Variants in ZNF385D observed in about 807,000 individuals in gnomAD.
ZNF385D encodes zinc finger protein 385D, also known as zinc finger protein 659.
In ZNF385D, 15 loss-of-function variants were observed where a neutral mutation model predicts 35.8. The observed-to-expected ratio is 0.42, with a 90% CI of 0.28 to 0.64. ZNF385D has a LOEUF of 0.64. ZNF385D is among the 30% of genes least tolerant of loss of function. The pLI is 0.23. For synonymous variants in ZNF385D, 212 were observed against 186.8 expected (o/e 1.13, Z -1.10); for missense variants, 474 against 494.6 (o/e 0.96, Z 0.39).
intron 1 of ZNF385D, among the ~76,000 whole-genome samples, chr3:21,668,662 G>C (rs1311575240): frequency 6.6e-6 from 1 of 152,184 alleles, no homozygotes; most frequent in Non-Finnish European, 1.5e-5. Context: ...TAACATTTCT[G>C]CTTTTGAAAT....
At position 21,988,939 on chromosome 3, in the gene ZNF385D, C is replaced by T. The variant is rs574679293; in HGVS notation, c.325+179878G>A. On this transcript the variant is annotated intron_variant, in intron 3 of 5. Transcript: ENST00000494108. Reference sequence around the variant, plus strand: ...TGGGAGTGACCCGATTTTCCAGGTGCGTCCATCACCCCTTTCTTTGACTTG... The same window carrying T: ...TGGGAGTGACCCGATTTTCCAGGTGTGTCCATCACCCCTTTCTTTGACTTG... Among the ~76,000 whole-genome samples the T allele has an allele frequency of 3.3e-5, 5 of 152,316 alleles. No individual in the cohort carries two copies. In the South Asian group the frequency reaches 6.2e-4, roughly 19 times the overall value.
intron 3 of ZNF385D, among the ~76,000 whole-genome samples, chr3:22,002,115 A>C (rs1197794826): frequency 4.0e-5 from 4 of 101,158 alleles, no homozygotes; most frequent in Admixed American, 1.6e-4. Context: ...AACAAAATAA[A>C]GACTTAAAAA....
intron 2 of ZNF385D, among the ~76,000 whole-genome samples, chr3:21,636,502 G>A (rs895268428): frequency 4.7e-5 from 7 of 149,086 alleles, no homozygotes; most frequent in East Asian, 4.0e-4. Context: ...AAGCCAGTCC[G>A]AATCCCAAAG....
chr3:21,891,399 G>A lies in ZNF385D; in HGVS notation c.326-226371C>T, dbSNP rs541268279. 5.9e-5 allele frequency among the ~76,000 whole-genome samples: 9 copies of A among 152,204 alleles called. No homozygotes were observed. In the East Asian group the frequency reaches 9.7e-4, roughly 16 times the overall value. On this transcript the variant is annotated intron_variant, in intron 3 of 5. Coordinates refer to the ZNF385D transcript ENST00000494108. ...TAATGCGTGACTAGTTCAAATGTCT[G>A]CCCAGCCATCCTGACCACACCATTC...
intron 2 of ZNF385D, among the ~76,000 whole-genome samples, chr3:22,332,425 T>C (rs1694980798): frequency 6.6e-6 from 1 of 152,180 alleles, no homozygotes; most frequent in Admixed American, 6.5e-5. Context: ...TGTATACAAA[T>C]AAAATATTTT....
intron 3 of ZNF385D, among the ~76,000 whole-genome samples, chr3:21,801,544 C>T (rs185627758): frequency 2.0e-5 from 3 of 152,198 alleles, no homozygotes; most frequent in Admixed American, 2.0e-4. Flanking sequence ...GTTTATGTAA[C>T]CAGAACTTAG....
At chr3:21,575,559 A>G (rs2063472842) in intron 2 of ZNF385D, among the ~76,000 whole-genome samples, 1 of 152,142 alleles carries the variant, frequency 6.6e-6, no homozygotes, top group East Asian at 1.9e-4. Context: ...CACTTCCTCT[A>G]ACTTGAAAAC....
rs568969997 is a variant in ZNF385D at position 22,305,177 on chromosome 3, T to C, written c.106+67273A>G. ...CGAATTACTCGCTTATTAGATTTTA[T>C]TGAGAACAAAAGCAGATGGTTTCTA... On this transcript the variant is annotated intron_variant, in intron 2 of 5. Coordinates refer to the ZNF385D transcript ENST00000494108. Among the ~76,000 whole-genome samples the C allele has an allele frequency of 3.6e-3, 554 of 152,262 alleles. 4 individuals are homozygous for C. Among genetic ancestry groups the C allele is most frequent in the African/African-American group, 0.011 (470 of 41,574 alleles).
intron 3 of ZNF385D, among the ~76,000 whole-genome samples, chr3:21,543,817 A>G (rs1273671839): frequency 1.3e-5 from 2 of 152,164 alleles, no homozygotes; most frequent in Admixed American, 6.6e-5. Flanking sequence ...ATTTTCTGCA[A>G]AGTTTTGGTT....
At chr3:22,312,664 C>CT (rs1447034895) in intron 2 of ZNF385D, among the ~76,000 whole-genome samples, 1 of 152,110 alleles carries the variant, frequency 6.6e-6, no homozygotes, top group African/African-American at 2.4e-5. Context: ...CTCATTATCA[C>CT]TGGCCATCAG....
chr3:22,273,631 A>G (rs1701285607), intron 2 of ZNF385D, among the ~76,000 whole-genome samples: 1 of 152,050 alleles, frequency 6.6e-6, no homozygotes, highest in Admixed American at 6.6e-5. Context: ...TAAAATCATG[A>G]TTCTCATACA....
At chr3:22,136,870 A>T (rs892139271) in intron 3 of ZNF385D, among the ~76,000 whole-genome samples, 1 of 152,202 alleles carries the variant, frequency 6.6e-6, no homozygotes, top group Non-Finnish European at 1.5e-5. Flanking sequence ...ACTATGTGAC[A>T]TTACGGAAAA....
At chr3:21,616,007 T>C (rs951327559) in intron 2 of ZNF385D, among the ~76,000 whole-genome samples, 7 of 152,118 alleles carry the variant, frequency 4.6e-5, no homozygotes, top group Non-Finnish European at 8.8e-5. Flanking sequence ...GAATTAATTC[T>C]TGGAAAACAG....
Position 22,214,375 on chromosome 3 carries a change from T to C in ZNF385D, c.107-45340A>G, listed in dbSNP as rs547759902. ...AACTGCACAAATTGTTTGTAGGGCATGTGTGTTTGAACAATATGAAATCTG... is the reference window on the plus strand; with the variant it reads ...AACTGCACAAATTGTTTGTAGGGCACGTGTGTTTGAACAATATGAAATCTG... On this transcript the variant is annotated intron_variant, in intron 2 of 5. Coordinates refer to the ZNF385D transcript ENST00000494108. Among the ~76,000 whole-genome samples, 5 of 152,128 alleles carry C rather than the reference T, an allele frequency of 3.3e-5. No individual in the cohort carries two copies. In the South Asian group the frequency reaches 8.3e-4, roughly 25 times the overall value.
At chr3:21,941,488 C>G (rs1291476415) in intron 3 of ZNF385D, among the ~76,000 whole-genome samples, 1 of 100,626 alleles carries the variant, frequency 9.9e-6, no homozygotes, top group Non-Finnish European at 1.9e-5. Context: ...AATTCCATTA[C>G]TCTTTTTTTT....
chr3:21,470,933 ATAG>A (rs1703842201), intron 4 of ZNF385D, among the ~76,000 whole-genome samples: 1 of 152,130 alleles, frequency 6.6e-6, no homozygotes, highest in South Asian at 2.1e-4. Flanking sequence ...TTAGAGTCTG[ATAG>A]TAGACTAAAG....
At chr3:21,764,588 G>T (rs920231890) in intron 3 of ZNF385D, among the ~76,000 whole-genome samples, 1 of 152,162 alleles carries the variant, frequency 6.6e-6, no homozygotes, top group Admixed American at 6.6e-5. Context: ...GGCTGGGCTT[G>T]TCTAGTTGGA....
intron 3 of ZNF385D, among the ~76,000 whole-genome samples, chr3:22,094,614 C>T (rs951981367): frequency 4.0e-5 from 6 of 151,752 alleles, no homozygotes; most frequent in Admixed American, 4.0e-4. Context: ...GTTTTGAGGA[C>T]ATCTCAGCCA....
At chr3:22,188,973 C>T (rs188171660) in intron 2 of ZNF385D, among the ~76,000 whole-genome samples, 146 of 152,188 alleles carry the variant, frequency 9.6e-4, no homozygotes, top group East Asian at 8.5e-3. Flanking sequence ...AGAGAATATA[C>T]GCTGATTTAG....
Sources: allele counts gnomAD v4.1 joint callset (sites outside exome capture counted in the v4.1 genomes callset), GRCh38; gene constraint gnomAD v4.1.1; transcripts MANE v1.5; gene names NCBI Gene and HGNC (gene_info 2026-07-23, HGNC 2026-07-21).